Variants in TRPC4 observed in about 807,000 individuals in gnomAD.
TRPC4 encodes transient receptor potential cation channel subfamily C member 4, also known as short transient receptor potential channel 4.
In TRPC4, 49 loss-of-function variants were observed where a neutral mutation model predicts 99.4. The observed-to-expected ratio is 0.49, with a 90% CI of 0.39 to 0.63. The LOEUF is 0.63. Ranked by LOEUF, TRPC4 falls within the 20% of genes least tolerant of loss-of-function variation. The probability of loss-of-function intolerance (pLI) is 0.00; values close to 1 mark genes in which losing one functional copy is unlikely to be tolerated. For missense variants in TRPC4, 898 were observed against 1,152.9 expected (o/e 0.78, Z 3.20); for synonymous variants, 454 against 425.9 (o/e 1.07, Z -0.81).
chr13:37,743,279 A>G (rs1200939356), intron 3 of TRPC4, among the ~76,000 whole-genome samples: 1 of 152,066 alleles, frequency 6.6e-6, no homozygotes, highest in Non-Finnish European at 1.5e-5. Context: ...ATCTTGTATT[A>G]TTAGGCTTTA....
intron 3 of TRPC4, among the ~76,000 whole-genome samples, chr13:37,727,537 A>G (rs1210842339): frequency 6.6e-6 from 1 of 151,936 alleles, no homozygotes; most frequent in Admixed American, 6.6e-5. Context: ...GCACAAAGCT[A>G]ACAGAAGAAA....
Position 37,729,743 on chromosome 13 carries a change from C to G in TRPC4, c.897+16194G>C, listed in dbSNP as rs182372314. 2.6e-3 allele frequency among the ~76,000 whole-genome samples: 399 copies of G among 152,064 alleles called. 1 individual carries two copies. Among genetic ancestry groups the G allele is most frequent in the African/African-American group, 9.1e-3 (376 of 41,504 alleles). On this transcript the variant is annotated intron_variant, in intron 3 of 10. Coordinates refer to ENST00000379705, the MANE Select transcript of TRPC4 (RefSeq NM_016179.4). ...GTGAAATAAGCCAATCAGACAAAGGCAAATATATAATTCCATTTTTATGAG... is the reference window on the plus strand; with the variant it reads ...GTGAAATAAGCCAATCAGACAAAGGGAAATATATAATTCCATTTTTATGAG...
Position 37,636,853 on chromosome 13 carries a change from G to C in TRPC4, c.*50C>G. ...ATTTAAACATTTTCCCCCACCCAGA[G>C]CACTACGGAAAATACGTATGTGTAT... On this transcript the variant is annotated 3_prime_UTR_variant, in exon 11 of 11. Coordinates refer to ENST00000379705, the MANE Select transcript of TRPC4 (RefSeq NM_016179.4). 1 of 1,555,482 alleles carries C rather than the reference G, an allele frequency of 6.4e-7. No homozygotes were observed. Among genetic ancestry groups the C allele is most frequent in the Non-Finnish European group, 8.7e-7 (1 of 1,152,208 alleles).
intron 3 of TRPC4, among the ~76,000 whole-genome samples, chr13:37,723,549 A>G (rs186863261): frequency 6.6e-6 from 1 of 152,142 alleles, no homozygotes; most frequent in East Asian, 1.9e-4. Context: ...GATGCAAATT[A>G]TTGTTTTTTT....
intron 1 of TRPC4, among the ~76,000 whole-genome samples, chr13:37,868,970 GTCATTGGCT>G (rs887732068): frequency 7.9e-5 from 12 of 152,226 alleles, no homozygotes; most frequent in East Asian, 7.7e-4. Flanking sequence ...AGCAAACCGG[GTCATTGGCT>G]TCATTGGCTT....
chr13:37,661,329 C>T (rs1034713305), intron 6 of TRPC4, among the ~76,000 whole-genome samples: 6 of 151,976 alleles, frequency 3.9e-5, no homozygotes, highest in African/African-American at 1.5e-4. Context: ...ACAAAGAAAC[C>T]AATATAGGGA....
intron 5 of TRPC4, among the ~76,000 whole-genome samples, chr13:37,665,750 G>A (rs768805279): frequency 1.3e-5 from 2 of 149,148 alleles, no homozygotes; most frequent in Admixed American, 6.7e-5. Context: ...TCAGCTGGAT[G>A]TGGATCCATC....
At position 37,660,864 on chromosome 13, in the gene TRPC4, G is replaced by A. The variant is rs545681055; in HGVS notation, c.1688+2552C>T. 3.9e-5 allele frequency among the ~76,000 whole-genome samples: 6 copies of A among 152,188 alleles called. No homozygotes were observed. The East Asian group carries it at 9.6e-4, about 24-fold the overall frequency. ...GCACAGAAGTAAGATGTAGAGCAGG[G>A]GCCCCAAGGGTATCACTATATACCC... On this transcript the variant is annotated intron_variant, in intron 6 of 10. Coordinates refer to ENST00000379705, the MANE Select transcript of TRPC4 (RefSeq NM_016179.4).
chr13:37,818,853 T>C (rs1180066510), intron 1 of TRPC4, among the ~76,000 whole-genome samples: 2 of 151,944 alleles, frequency 1.3e-5, no homozygotes, highest in Non-Finnish European at 2.9e-5. Context: ...CTAATGTAGA[T>C]GATGGGTTGA....
intron 7 of TRPC4, among the ~76,000 whole-genome samples, 156 bp from the exon 8 acceptor site, chr13:37,651,615 A>C (rs2138615463): frequency 6.6e-6 from 1 of 152,276 alleles, no homozygotes; most frequent in South Asian, 2.1e-4. Flanking sequence ...AGTCATCTAA[A>C]CATTTCAGAG....
Position 37,786,748 on chromosome 13 carries a change from G to T in TRPC4, c.-27-3388C>A, listed in dbSNP as rs796503398. 3.3e-4 allele frequency among the ~76,000 whole-genome samples: 50 copies of T among 152,156 alleles called. 1 individual carries two copies. Among genetic ancestry groups the T allele is most frequent in the African/African-American group, 1.1e-3 (46 of 41,550 alleles). On this transcript the variant is annotated intron_variant, in intron 1 of 10. Coordinates refer to ENST00000379705, the MANE Select transcript of TRPC4 (RefSeq NM_016179.4). ...CATGAGACTGCAGAATTTTAAGAAT[G>T]CTTTCATTTCAATGTCTCCTGTATA...
intron 8 of TRPC4, among the ~76,000 whole-genome samples, chr13:37,641,895 A>AT (rs1951723847): frequency 1.3e-5 from 2 of 152,048 alleles, no homozygotes. Flanking sequence ...TCCTCTTTGC[A>AT]TTTTTTTCCT....
intron 3 of TRPC4, among the ~76,000 whole-genome samples, chr13:37,745,254 T>C (rs1955705234): frequency 2.0e-5 from 3 of 151,568 alleles, no homozygotes; most frequent in Admixed American, 2.0e-4. Flanking sequence ...GATACCAAAA[T>C]CCATGGCTGC....
intron 1 of TRPC4, among the ~76,000 whole-genome samples, chr13:37,787,070 G>A (rs887882101): frequency 6.6e-6 from 1 of 151,904 alleles, no homozygotes; most frequent in Non-Finnish European, 1.5e-5. Context: ...AAGGCATATT[G>A]CCTAAAGGAT....
At chr13:37,850,296 T>C (rs562228769) in intron 1 of TRPC4, among the ~76,000 whole-genome samples, 1 of 152,304 alleles carries the variant, frequency 6.6e-6, no homozygotes, top group Non-Finnish European at 1.5e-5. Flanking sequence ...CTACTTCTTG[T>C]TCAGTTAATA....
chr13:37,855,892 A>T (rs1959169955), intron 1 of TRPC4, among the ~76,000 whole-genome samples: 1 of 151,968 alleles, frequency 6.6e-6, no homozygotes, highest in Non-Finnish European at 1.5e-5. Context: ...CAGTACTAAG[A>T]GGAAAGTTTA....
chr13:37,773,832 G>A (rs1363474825), intron 2 of TRPC4, among the ~76,000 whole-genome samples: 1 of 151,650 alleles, frequency 6.6e-6, no homozygotes, highest in African/African-American at 2.4e-5. Context: ...ATTCACTTTG[G>A]TCTGTTTGCT....
At chr13:37,822,534 TC>T (rs1958046652) in intron 1 of TRPC4, among the ~76,000 whole-genome samples, 1 of 151,526 alleles carries the variant, frequency 6.6e-6, no homozygotes, top group Non-Finnish European at 1.5e-5. Flanking sequence ...GGTTTTTTGT[TC>T]TTGTGATAGT....
chr13:37,634,965 G>C lies in TRPC4; in HGVS notation c.*1938C>G, dbSNP rs150861479. On this transcript the variant is annotated 3_prime_UTR_variant, in exon 11 of 11. Transcript: ENST00000379705. ...AAACCAGGTTTAGGAGTGAACAGGGGCTTAGTGCTCCTGGCTTTTCTGAAA... is the reference window on the plus strand; with the variant it reads ...AAACCAGGTTTAGGAGTGAACAGGGCCTTAGTGCTCCTGGCTTTTCTGAAA... Among the ~76,000 whole-genome samples, 2 of 152,024 alleles carry C rather than the reference G, an allele frequency of 1.3e-5. No individual in the cohort carries two copies. Among genetic ancestry groups the C allele is most frequent in the Admixed American group, 1.3e-4 (2 of 15,246 alleles).
Sources: gnomAD v4.1 joint callset for allele counts (sites outside exome capture counted in the v4.1 genomes callset) on GRCh38, gnomAD v4.1.1 for gene constraint, MANE v1.5 for transcripts, NCBI Gene and HGNC (gene_info 2026-07-23, HGNC 2026-07-21) for gene names.